Variants in RPS6KA2 observed in about 807,000 individuals in gnomAD.
RPS6KA2 encodes the protein ribosomal protein S6 kinase A2, also known as ribosomal protein S6 kinase alpha-2.
A neutral mutation model predicts 91.8 loss-of-function variants in RPS6KA2; 42 were observed. The ratio of observed to expected loss-of-function variants is 0.46; its 90% CI spans 0.36 to 0.59. The LOEUF (loss-of-function observed/expected upper bound fraction) is 0.59, where lower values mean the gene tolerates loss of function less well. Among genes scored for constraint, RPS6KA2 ranks in the 20% least tolerant of loss-of-function variants. RPS6KA2 has a pLI of 0.00. For synonymous variants in RPS6KA2, 414 were observed against 393.6 expected, an observed-to-expected ratio of 1.05 and a Z score of -0.61; for missense variants, 798 against 978.5, an observed-to-expected ratio of 0.82 and a Z score of 2.46.
chr6:166,474,988 G>A (rs1780912406), intron 10 of RPS6KA2, among the ~76,000 whole-genome samples: 1 of 152,186 alleles, frequency 6.6e-6, no homozygotes, highest in Non-Finnish European at 1.5e-5. Flanking sequence ...CTGGCCAGGA[G>A]CCCCTTTCTC....
intron 2 of RPS6KA2, among the ~76,000 whole-genome samples, chr6:166,713,596 A>C (rs947062347): frequency 5.3e-5 from 8 of 152,352 alleles, no homozygotes; most frequent in Middle Eastern, 3.4e-3. Flanking sequence ...AAAGAATAGA[A>C]ATATCCATGA....
chr6:166,726,413 C>T lies in RPS6KA2; in HGVS notation c.123+131787G>A, dbSNP rs901614732. Among the ~76,000 whole-genome samples, 11 of 152,210 alleles carry T rather than the reference C, an allele frequency of 7.2e-5. No individual in the cohort carries two copies. Among genetic ancestry groups the T allele is most frequent in the Non-Finnish European group, 1.6e-4 (11 of 68,044 alleles). On this transcript the variant is annotated intron_variant, in intron 2 of 21. Coordinates refer to the RPS6KA2 transcript ENST00000503859. The surrounding 1 kb of genome is among the most constrained non-coding windows in gnomAD (Gnocchi z 4.4). ...AGCAGCAAGTTGACACAACACTTAG[C>T]AAACTCTTAGTCACCTCCCGAGAGC...
chr6:166,545,185 G>GT (rs1449001998), intron 1 of RPS6KA2, among the ~76,000 whole-genome samples: 1 of 152,228 alleles, frequency 6.6e-6, no homozygotes, highest in Non-Finnish European at 1.5e-5. Flanking sequence ...CATTTTCAGA[G>GT]TTTGAACTGC....
intron 13 of RPS6KA2, 127 bp downstream of exon 13, chr6:166,450,976 T>C (rs80186608): frequency 0.011 from 11,871 of 1,096,860 alleles, 390 homozygotes; most frequent in East Asian, 0.1. Context: ...GAGGGAAGAA[T>C]TGGTGATTAA....
intron 1 of RPS6KA2, among the ~76,000 whole-genome samples, chr6:166,605,692 C>T (rs939738107): frequency 2.0e-5 from 3 of 152,150 alleles, no homozygotes; most frequent in Non-Finnish European, 4.4e-5. Context: ...AATGCACTCA[C>T]GCACACACAC....
At chr6:166,653,570 C>T (rs1787923596) in intron 2 of RPS6KA2, among the ~76,000 whole-genome samples, 1 of 152,182 alleles carries the variant, frequency 6.6e-6, no homozygotes, top group South Asian at 2.1e-4. Context: ...GGATTTCTTA[C>T]TAATAACCAG....
chr6:166,625,608 G>T (rs901887971), intron 1 of RPS6KA2, among the ~76,000 whole-genome samples: 1 of 152,120 alleles, frequency 6.6e-6, no homozygotes, highest in Non-Finnish European at 1.5e-5. Flanking sequence ...ACAAAGACAT[G>T]TATCCGGATA....
At chr6:166,619,790 T>C (rs1160226915) in intron 1 of RPS6KA2, among the ~76,000 whole-genome samples, 1 of 152,264 alleles carries the variant, frequency 6.6e-6, no homozygotes, top group Non-Finnish European at 1.5e-5. Flanking sequence ...GTAAAACTAT[T>C]TGGAAGCTAA....
chr6:166,714,190 G>T (rs912180748), intron 2 of RPS6KA2, among the ~76,000 whole-genome samples: 2 of 152,240 alleles, frequency 1.3e-5, no homozygotes, highest in Admixed American at 1.3e-4. Context: ...GGGAAGAGGT[G>T]CAGGCCAGTG....
At chr6:166,582,587 T>C (rs1368778179) in intron 1 of RPS6KA2, among the ~76,000 whole-genome samples, 2 of 152,238 alleles carry the variant, frequency 1.3e-5, no homozygotes, top group African/African-American at 4.8e-5. Flanking sequence ...AATGAATTTT[T>C]ATCAAATTCA....
chr6:166,757,393 C>A, intron 2 of RPS6KA2: 1 of 407,382 alleles, frequency 2.5e-6, no homozygotes, highest in Admixed American at 2.6e-5. Flanking sequence ...TGTTCATGAT[C>A]TGTGAGATTC....
intron 2 of RPS6KA2, among the ~76,000 whole-genome samples, chr6:166,786,512 CATCAACAAAG>C (rs1778934975): frequency 6.6e-6 from 1 of 151,696 alleles, no homozygotes; most frequent in Non-Finnish European, 1.5e-5. Context: ...ATTCTGATTG[CATCAACAAAG>C]ATTTGTAGAC....
rs191553714 is a variant in RPS6KA2, at chr6:166,549,526, C to T, written c.100-10742G>A. 1.1e-4 allele frequency among the ~76,000 whole-genome samples: 17 copies of T among 152,196 alleles called. No homozygotes were observed. In the South Asian group the frequency reaches 1.7e-3, roughly 15 times the overall value. On this transcript the variant is annotated intron_variant, in intron 1 of 20. Coordinates refer to ENST00000265678, the MANE Select transcript of RPS6KA2 (RefSeq NM_021135.6). ...AGTTGTATGGATCTCCAGAAAATTA[C>T]GCTCAGTGAAAAAAAGCAAATCTCA...
At chr6:166,680,559 G>A (rs796224117) in intron 2 of RPS6KA2, among the ~76,000 whole-genome samples, 3 of 152,286 alleles carry the variant, frequency 2.0e-5, no homozygotes, top group African/African-American at 7.2e-5. Flanking sequence ...ACGAAGGTTT[G>A]CAGCTTCACT....
chr6:166,680,453 C>A (rs190151746), intron 2 of RPS6KA2, among the ~76,000 whole-genome samples: 1 of 152,314 alleles, frequency 6.6e-6, no homozygotes, highest in African/African-American at 2.4e-5. Flanking sequence ...GGTCCCCTTC[C>A]ACGTTGTGGA....
At chr6:166,701,410 C>A in intron 2 of RPS6KA2, 2 of 1,285,254 alleles carry the variant, frequency 1.6e-6, no homozygotes, top group Non-Finnish European at 2.3e-6. Flanking sequence ...TTTCTTCTTT[C>A]ATTTTTCCAT....
At chr6:166,673,153 C>T (rs1390211977) in intron 2 of RPS6KA2, among the ~76,000 whole-genome samples, 1 of 152,196 alleles carries the variant, frequency 6.6e-6, no homozygotes, top group South Asian at 2.1e-4. Context: ...GCCTGTGTCA[C>T]GTATGTGCCT....
At chr6:166,473,862 A>G (rs1165372988) in intron 10 of RPS6KA2, among the ~76,000 whole-genome samples, 10 of 151,390 alleles carry the variant, frequency 6.6e-5, no homozygotes. Flanking sequence ...GGCAACTTCC[A>G]TCATTGACTT....
intron 2 of RPS6KA2, among the ~76,000 whole-genome samples, chr6:166,636,784 T>A (rs944766775): frequency 6.6e-6 from 1 of 152,302 alleles, no homozygotes; most frequent in Middle Eastern, 3.4e-3. Flanking sequence ...GTGGATGAAC[T>A]CCAGGGTTAA....
Sources: allele counts gnomAD v4.1 joint callset (sites outside exome capture counted in the v4.1 genomes callset), GRCh38; gene constraint gnomAD v4.1.1; non-coding constraint Gnocchi (gnomAD v3.1); transcripts MANE v1.5; gene names NCBI Gene and HGNC (gene_info 2026-07-23, HGNC 2026-07-21).